Variants in AGBL1 observed in about 807,000 individuals in gnomAD.
AGBL1 encodes the protein AGBL carboxypeptidase 1.
Under a neutral mutation model 118.9 loss-of-function variants are expected in AGBL1, and 130 were observed. The ratio of observed to expected loss-of-function variants is 1.09; its 90% CI spans 0.95 to 1.26. The LOEUF is 1.26. Among genes scored for constraint, AGBL1 ranks in the 50% most tolerant of loss-of-function variants. AGBL1 has a pLI of 0.00. For synonymous variants in AGBL1, 555 were observed against 478.9 expected (o/e 1.16, Z -2.08); for missense variants, 1,584 against 1,298.1 (o/e 1.22, Z -3.38).
intron 22 of AGBL1, among the ~76,000 whole-genome samples, chr15:86,844,348 A>G (rs577322598): frequency 6.6e-6 from 1 of 152,274 alleles, no homozygotes. Context: ...TGAGGGTTCC[A>G]GTTTTCCTAC....
downstream of AGBL1, among the ~76,000 whole-genome samples, chr15:86,920,990 G>C (rs957040636): frequency 6.6e-6 from 1 of 152,134 alleles, no homozygotes; most frequent in Admixed American, 6.5e-5. Context: ...CATTTTCAGA[G>C]TGCCAAGCAA....
intron 23 of AGBL1, among the ~76,000 whole-genome samples, chr15:86,943,103 G>T (rs2080775541): frequency 6.6e-6 from 1 of 152,094 alleles, no homozygotes; most frequent in South Asian, 2.1e-4. Context: ...TAACAGATTT[G>T]GTTACAGTGT....
rs2080394054 is a variant in AGBL1, at chr15:86,914,454, A to G, written c.*7160A>G. The G allele has an allele frequency of 6.6e-6, 1 of 152,220 alleles. No individual in the cohort carries two copies. Among genetic ancestry groups the G allele is most frequent in the African/African-American group, 2.4e-5 (1 of 41,444 alleles). The allele number at this position is 152,220 out of a possible 1,614,324, so 9.4% of individuals were successfully genotyped here. On this transcript the variant is annotated 3_prime_UTR_variant, in exon 23 of 23. Coordinates refer to ENST00000614907, the MANE Select transcript of AGBL1 (RefSeq NM_001386094.1). ...ACGTTTAGTAAATGATAGAGCTGGA[A>G]TCTGTTCCCGGGGAAATCTGACTTC...
chr15:87,022,967 T>C (rs117693985), intron 24 of AGBL1, among the ~76,000 whole-genome samples: 2,969 of 152,158 alleles, frequency 0.02, 47 homozygotes, highest in Middle Eastern at 0.048. Flanking sequence ...AAAAGTGCTC[T>C]AAATTTTGAA....
intron 24 of AGBL1, among the ~76,000 whole-genome samples, chr15:86,989,913 G>A (rs543452067): frequency 6.6e-6 from 1 of 152,158 alleles, no homozygotes; most frequent in African/African-American, 2.4e-5. Flanking sequence ...TGGTCAGGAT[G>A]GCGAAGGGGT....
At chr15:86,735,933 C>T (rs997697020) in intron 22 of AGBL1, among the ~76,000 whole-genome samples, 1 of 152,044 alleles carries the variant, frequency 6.6e-6, no homozygotes, top group Non-Finnish European at 1.5e-5. Flanking sequence ...TCTTGATTCT[C>T]ATTGCTTATT....
intron 1 of AGBL1, among the ~76,000 whole-genome samples, chr15:86,129,731 T>TA (rs922399338): frequency 6.6e-6 from 1 of 152,074 alleles, no homozygotes. Context: ...TCTTTCCCAT[T>TA]AAAAAAATAA....
At chr15:86,554,619 A>C in intron 21 of AGBL1, 82 bp downstream of exon 21, 3 of 1,299,808 alleles carry the variant, frequency 2.3e-6, no homozygotes, top group Non-Finnish European at 3.0e-6. Context: ...CTGCTTTCTC[A>C]CCTAAAAGGG....
At chr15:86,859,406 C>A (rs992797543) in intron 22 of AGBL1, among the ~76,000 whole-genome samples, 1 of 152,168 alleles carries the variant, frequency 6.6e-6, no homozygotes, top group Non-Finnish European at 1.5e-5. Context: ...AAGGTGAAAA[C>A]TCCTCTTTTA....
At chr15:87,016,953 C>A (rs748343855) in intron 24 of AGBL1, among the ~76,000 whole-genome samples, 9 of 152,186 alleles carry the variant, frequency 5.9e-5, no homozygotes, top group Non-Finnish European at 1.2e-4. Flanking sequence ...GTTTTGCATA[C>A]TGTGGCCCCA....
intron 24 of AGBL1, among the ~76,000 whole-genome samples, chr15:87,015,351 CCTGT>C (rs965742846): frequency 1.2e-4 from 18 of 152,046 alleles, no homozygotes; most frequent in East Asian, 5.8e-4. Context: ...TATCTTTCTG[CCTGT>C]CTGTCTGTCT....
intron 21 of AGBL1, among the ~76,000 whole-genome samples, chr15:86,577,162 T>A (rs1265481059): frequency 6.6e-6 from 1 of 152,158 alleles, no homozygotes; most frequent in Non-Finnish European, 1.5e-5. Flanking sequence ...GCCCAAATGC[T>A]TATAGTGATA....
chr15:86,510,314 T>C (rs2083038712), intron 18 of AGBL1, among the ~76,000 whole-genome samples: 1 of 150,986 alleles, frequency 6.6e-6, no homozygotes, highest in Admixed American at 6.6e-5. Flanking sequence ...TAGAGACACA[T>C]TTTGGCTTGA....
chr15:86,936,641 A>G (rs749624295), intron 23 of AGBL1, among the ~76,000 whole-genome samples: 5 of 152,238 alleles, frequency 3.3e-5, no homozygotes, highest in Admixed American at 6.5e-5. Flanking sequence ...TACCATAAAC[A>G]AAAATCAACA....
intron 6 of AGBL1, among the ~76,000 whole-genome samples, chr15:86,237,728 C>A (rs959913909): frequency 6.6e-6 from 1 of 152,156 alleles, no homozygotes; most frequent in African/African-American, 2.4e-5. Flanking sequence ...GACAATTATT[C>A]TGAAGGGTCT....
At chr15:86,670,296 A>T (rs879304531) in intron 21 of AGBL1, among the ~76,000 whole-genome samples, 1 of 151,960 alleles carries the variant, frequency 6.6e-6, no homozygotes, top group Non-Finnish European at 1.5e-5. Context: ...GAGGGTCAGC[A>T]CTGAGTATTA....
intron 18 of AGBL1, among the ~76,000 whole-genome samples, chr15:86,508,160 G>C (rs1332230890): frequency 6.6e-6 from 1 of 151,870 alleles, no homozygotes; most frequent in African/African-American, 2.4e-5. Context: ...TTGACCTTGT[G>C]ATCTGCCCAC....
intron 6 of AGBL1, among the ~76,000 whole-genome samples, chr15:86,229,037 A>G (rs935276805): frequency 1.3e-5 from 2 of 152,198 alleles, no homozygotes; most frequent in Non-Finnish European, 2.9e-5. Flanking sequence ...TCCTGTATTG[A>G]AAGTTTTGCC....
At chr15:86,205,331 A>C (rs998738496) in intron 5 of AGBL1, among the ~76,000 whole-genome samples, 4 of 152,214 alleles carry the variant, frequency 2.6e-5, no homozygotes, top group Admixed American at 2.0e-4. Flanking sequence ...AGGATGTAGC[A>C]AAGTTTATTT....
Sources: allele counts gnomAD v4.1 joint callset (sites outside exome capture counted in the v4.1 genomes callset), GRCh38; gene constraint gnomAD v4.1.1; transcripts MANE v1.5; gene names NCBI Gene and HGNC (gene_info 2026-07-23, HGNC 2026-07-21).